Variants in DGKI observed in about 807,000 individuals in gnomAD.
The protein encoded by DGKI is DAG kinase iota.
In DGKI, 55 loss-of-function variants were observed where a neutral mutation model predicts 147.5. That is an observed-to-expected ratio of 0.37 (90% CI 0.30 to 0.47). The LOEUF (loss-of-function observed/expected upper bound fraction) is 0.47. DGKI is among the 20% of genes least tolerant of loss of function. The pLI, the probability that DGKI is intolerant of heterozygous loss-of-function variation, is 1.00. For synonymous variants in DGKI, 469 were observed against 477.1 expected (o/e 0.98, Z 0.22); for missense variants, 1,007 against 1,323.8 (o/e 0.76, Z 3.71).
chr7:137,562,145 T>G (rs1313837043), intron 19 of DGKI, among the ~76,000 whole-genome samples: 1 of 152,208 alleles, frequency 6.6e-6, no homozygotes, highest in African/African-American at 2.4e-5. Context: ...TTGTCTTTCA[T>G]CTCTTAATTT....
intron 21 of DGKI, among the ~76,000 whole-genome samples, chr7:137,490,293 T>C (rs532335440): frequency 5.8e-4 from 88 of 152,340 alleles, no homozygotes; most frequent in Non-Finnish European, 1.0e-3. Context: ...TCAATTCTTC[T>C]GAGCCTTGGT....
At position 137,436,317 on chromosome 7, in the gene DGKI, A is replaced by G. The variant is rs530207394; in HGVS notation, c.2761+7760T>C. On this transcript the variant is annotated intron_variant, in intron 28 of 32. Transcript: ENST00000614521. Reference sequence around the variant, plus strand: ...TGTGTCAAGGGTTTTTCTTACTTACATGAATAAAAAATTCCCATCTTTAAT... The same window carrying G: ...TGTGTCAAGGGTTTTTCTTACTTACGTGAATAAAAAATTCCCATCTTTAAT... Among the ~76,000 whole-genome samples, 6 of 152,304 alleles carry G rather than the reference A, an allele frequency of 3.9e-5. No individual in the cohort carries two copies. The South Asian group carries it at 1.2e-3, about 32-fold the overall frequency.
chr7:137,710,959 C>A (rs1794191146), intron 1 of DGKI, among the ~76,000 whole-genome samples: 1 of 152,020 alleles, frequency 6.6e-6, no homozygotes, highest in Non-Finnish European at 1.5e-5. Flanking sequence ...AAGGAGAAAC[C>A]AAATATTAAC....
At chr7:137,458,430 TC>T (rs1425789633) in intron 27 of DGKI, among the ~76,000 whole-genome samples, 2 of 152,174 alleles carry the variant, frequency 1.3e-5, no homozygotes, top group African/African-American at 4.8e-5. Context: ...CCATTTTAGT[TC>T]TTTCAGGACT....
chr7:137,738,828 A>G (rs1262647859), intron 1 of DGKI, among the ~76,000 whole-genome samples: 1 of 150,880 alleles, frequency 6.6e-6, no homozygotes, highest in Non-Finnish European at 1.5e-5. Context: ...GAAAGTATCC[A>G]TCATCAGCCA....
intron 21 of DGKI, among the ~76,000 whole-genome samples, chr7:137,504,043 C>T (rs1033007207): frequency 6.6e-6 from 1 of 152,086 alleles, no homozygotes; most frequent in African/African-American, 2.4e-5. Flanking sequence ...TGAGGGGAAT[C>T]ACAGCTGCCT....
chr7:137,727,536 T>C (rs371335453), intron 1 of DGKI, among the ~76,000 whole-genome samples: 14 of 152,132 alleles, frequency 9.2e-5, no homozygotes, highest in African/African-American at 3.1e-4. Context: ...AACTAATTTT[T>C]CTCCATCCCC....
At position 137,536,036 on chromosome 7, in the gene DGKI, C is replaced by A. The variant is rs1205579211; in HGVS notation, c.2148-14070G>T. Among the ~76,000 whole-genome samples the A allele has an allele frequency of 2.6e-5, 4 of 152,132 alleles. No homozygotes were observed. In the South Asian group the frequency reaches 8.3e-4, roughly 31 times the overall value. On this transcript the variant is annotated intron_variant, in intron 20 of 32. Coordinates refer to ENST00000614521, the MANE Select transcript of DGKI (RefSeq NM_001321708.2). ...ACACCAAAGATTCACACATTTGCAACACTCAGAATTGAACTGTTATTCTTC... is the reference window on the plus strand; with the variant it reads ...ACACCAAAGATTCACACATTTGCAAAACTCAGAATTGAACTGTTATTCTTC...
chr7:137,826,089 G>A (rs1798050063), intron 1 of DGKI, among the ~76,000 whole-genome samples: 1 of 152,074 alleles, frequency 6.6e-6, no homozygotes, highest in African/African-American at 2.4e-5. Context: ...TCCAAGTCAG[G>A]CAGGTCATGT....
intron 1 of DGKI, among the ~76,000 whole-genome samples, chr7:137,721,163 G>A (rs1001481924): frequency 6.6e-6 from 1 of 152,072 alleles, no homozygotes; most frequent in Non-Finnish European, 1.5e-5. Context: ...AATTCAGGGA[G>A]GCCTCCACAT....
intron 1 of DGKI, among the ~76,000 whole-genome samples, chr7:137,743,890 G>T (rs1294441902): frequency 6.6e-6 from 1 of 151,668 alleles, no homozygotes; most frequent in Non-Finnish European, 1.5e-5. Flanking sequence ...GGCTGAGGCA[G>T]GAGAATGGTG....
chr7:137,839,798 C>A (rs144663291), intron 1 of DGKI, among the ~76,000 whole-genome samples: 1 of 152,254 alleles, frequency 6.6e-6, no homozygotes, highest in Non-Finnish European at 1.5e-5. Context: ...AGAATTGGTT[C>A]TTTTATCAGA....
At chr7:137,713,024 G>A (rs77427094) in intron 1 of DGKI, among the ~76,000 whole-genome samples, 4,473 of 152,198 alleles carry the variant, frequency 0.029, 206 homozygotes, top group African/African-American at 0.1. Flanking sequence ...GTGGTGAAAG[G>A]CTAATTGCCA....
intron 1 of DGKI, among the ~76,000 whole-genome samples, chr7:137,833,443 T>C (rs1798275053): frequency 6.6e-6 from 1 of 152,158 alleles, no homozygotes; most frequent in South Asian, 2.1e-4. Flanking sequence ...ATGAGACTTA[T>C]TCACTATCAT....
intron 20 of DGKI, among the ~76,000 whole-genome samples, chr7:137,547,639 T>C (rs964763076): frequency 2.6e-5 from 4 of 152,066 alleles, no homozygotes; most frequent in Non-Finnish European, 4.4e-5. Context: ...GAGTCGCTGA[T>C]GCAAGATGTG....
chr7:137,736,336 G>A (rs1297812663), intron 1 of DGKI, among the ~76,000 whole-genome samples: 10 of 152,070 alleles, frequency 6.6e-5, no homozygotes, highest in Admixed American at 6.6e-4. Flanking sequence ...TTATTGTAAG[G>A]CTAATGTAGG....
chr7:137,758,279 A>G (rs1795749144), intron 1 of DGKI, among the ~76,000 whole-genome samples: 1 of 152,214 alleles, frequency 6.6e-6, no homozygotes, highest in Admixed American at 6.5e-5. Context: ...GTCCTGGCCC[A>G]AGTGGTAGCT....
intron 2 of DGKI, among the ~76,000 whole-genome samples, chr7:137,679,443 A>T (rs746122102): frequency 2.0e-5 from 3 of 151,102 alleles, no homozygotes; most frequent in Admixed American, 6.6e-5. Flanking sequence ...ATAGAATTCC[A>T]TATTCCTTCT....
chr7:137,439,928 T>C (rs2128915281), intron 28 of DGKI, among the ~76,000 whole-genome samples: 1 of 152,322 alleles, frequency 6.6e-6, no homozygotes, highest in South Asian at 2.1e-4. Context: ...CACTAATGCC[T>C]TTTATTTTGT....
Sources: allele counts gnomAD v4.1 joint callset (sites outside exome capture counted in the v4.1 genomes callset), GRCh38; gene constraint gnomAD v4.1.1; transcripts MANE v1.5; gene names NCBI Gene and HGNC (gene_info 2026-07-23, HGNC 2026-07-21).